The following SAXO1 variants were observed in gnomAD, a reference collection of about 807,000 sequenced individuals.
SAXO1 encodes 4930500O09Rik.
In SAXO1, 21 loss-of-function variants were observed where a neutral mutation model predicts 17.5. The ratio of observed to expected loss-of-function variants is 1.20; its 90% CI spans 0.85 to 1.72. The LOEUF is 1.72. Ranked by LOEUF, SAXO1 falls within the 40% of genes most tolerant of loss-of-function variation. SAXO1 has a pLI of 0.00. For synonymous variants in SAXO1, 274 were observed against 216.5 expected (o/e 1.27, Z -2.33); for missense variants, 843 against 596.0 (o/e 1.41, Z -4.32).
intron 1 of SAXO1, among the ~76,000 whole-genome samples, chr9:18,989,698 A>G (rs10511667): frequency 0.1 from 15,185 of 152,190 alleles, 890 homozygotes; most frequent in Admixed American, 0.13. Context: ...CATCAAATTC[A>G]CTTCAGACCA....
intron 1 of SAXO1, among the ~76,000 whole-genome samples, chr9:19,042,942 C>T (rs147028800): frequency 3.3e-5 from 5 of 152,188 alleles, no homozygotes; most frequent in East Asian, 1.9e-4. Flanking sequence ...GAGGCCAAGG[C>T]GGGAGGATCA....
intron 1 of SAXO1, among the ~76,000 whole-genome samples, chr9:18,981,709 A>C (rs937266286): frequency 4.6e-5 from 7 of 152,114 alleles, no homozygotes; most frequent in African/African-American, 1.7e-4. Context: ...AAATGCTCTC[A>C]CTTTGCATCC....
In SAXO1 at chr9:18,955,142, G is replaced by A. The variant is rs570384210; in HGVS notation, c.39-4205C>T. Among the ~76,000 whole-genome samples the A allele has an allele frequency of 7.2e-5, 11 of 152,276 alleles. 1 individual carries two copies. The South Asian group carries it at 2.3e-3, about 32-fold the overall frequency. ...GTCCAGGAGTTCAAGGCTGTAGTGT[G>A]CTATGATCTTGTCTGGGAATAGCCA... is the stretch of plus-strand genomic sequence containing the variant. On this transcript the variant is annotated intron_variant, in intron 1 of 3. Coordinates refer to ENST00000380534, the MANE Select transcript of SAXO1 (RefSeq NM_153707.4).
At chr9:18,993,298 G>A (rs1833882259) in intron 1 of SAXO1, among the ~76,000 whole-genome samples, 1 of 144,510 alleles carries the variant, frequency 6.9e-6, no homozygotes, top group East Asian at 2.0e-4. Context: ...AGGCCCCGAT[G>A]TGTGTTGTTA....
intron 1 of SAXO1, among the ~76,000 whole-genome samples, chr9:18,979,940 A>G (rs1458673515): frequency 6.6e-6 from 1 of 152,218 alleles, no homozygotes; most frequent in Non-Finnish European, 1.5e-5. Context: ...GAGAAAATAA[A>G]GAGTTAAGAG....
intron 1 of SAXO1, among the ~76,000 whole-genome samples, chr9:19,009,043 C>T (rs10811094): frequency 0.36 from 55,137 of 151,994 alleles, 10,895 homozygotes; most frequent in Non-Finnish European, 0.44. Flanking sequence ...ATGTCTAGTT[C>T]GCTTTCAAAT....
chr9:18,943,283 T>A (rs1343956532), intron 2 of SAXO1, among the ~76,000 whole-genome samples: 1 of 152,188 alleles, frequency 6.6e-6, no homozygotes, highest in Non-Finnish European at 1.5e-5. Flanking sequence ...TAGCGGCAGT[T>A]ATAGGACATT....
chr9:18,929,232 G>C (rs1026312892), intron 3 of SAXO1, among the ~76,000 whole-genome samples, 177 bp from the exon 4 acceptor site: 4 of 152,154 alleles, frequency 2.6e-5, no homozygotes, highest in African/African-American at 9.7e-5. Context: ...CAACTTTATG[G>C]TACTTGCAGG....
chr9:18,958,331 G>T (rs1321108997), intron 1 of SAXO1, among the ~76,000 whole-genome samples: 1 of 152,128 alleles, frequency 6.6e-6, no homozygotes, highest in Non-Finnish European at 1.5e-5. Context: ...GGCTGAGGCA[G>T]GACAATCATT....
intron 2 of SAXO1, among the ~76,000 whole-genome samples, chr9:18,942,244 C>T (rs1028454724): frequency 6.6e-6 from 1 of 152,210 alleles, no homozygotes; most frequent in East Asian, 1.9e-4. Flanking sequence ...AAATGGAAAT[C>T]AGATGGCTTT....
chr9:18,997,988 G>C (rs554305689), intron 1 of SAXO1, among the ~76,000 whole-genome samples: 1 of 152,162 alleles, frequency 6.6e-6, no homozygotes. Flanking sequence ...ACCAAAGGTA[G>C]ATAAAACCTC....
At chr9:18,987,934 C>A (rs1164590108) in intron 1 of SAXO1, among the ~76,000 whole-genome samples, 4 of 128,598 alleles carry the variant, frequency 3.1e-5, no homozygotes, top group African/African-American at 1.0e-4. Flanking sequence ...AGAAAACCAG[C>A]TCTTCCTCTC....
intron 3 of SAXO1, among the ~76,000 whole-genome samples, chr9:18,939,167 C>T (rs75506477): frequency 5.3e-5 from 8 of 152,172 alleles, no homozygotes; most frequent in Admixed American, 1.3e-4. Flanking sequence ...CTCCACCCAT[C>T]GTGGAAAGCG....
intron 1 of SAXO1, among the ~76,000 whole-genome samples, chr9:19,019,039 G>A (rs1405151966): frequency 6.6e-6 from 1 of 151,962 alleles, no homozygotes; most frequent in African/African-American, 2.4e-5. Context: ...AATTTGGAAG[G>A]TGGAGGTTGC....
At chr9:18,967,802 A>C (rs1832784460) in intron 1 of SAXO1, among the ~76,000 whole-genome samples, 1 of 151,558 alleles carries the variant, frequency 6.6e-6, no homozygotes, top group Admixed American at 6.6e-5. Context: ...TGAAAAAAAA[A>C]ACTCCTGCAG....
intron 1 of SAXO1, among the ~76,000 whole-genome samples, chr9:18,979,026 G>A (rs1833263713): frequency 6.6e-6 from 1 of 152,146 alleles, no homozygotes; most frequent in East Asian, 1.9e-4. Context: ...TCAAATTTTT[G>A]CTTTTACTCT....
chr9:19,019,810 A>G (rs1835148561), intron 1 of SAXO1, among the ~76,000 whole-genome samples: 1 of 152,024 alleles, frequency 6.6e-6, no homozygotes, highest in South Asian at 2.1e-4. Context: ...ATTAGTATTG[A>G]CCCCAAATCC....
intron 1 of SAXO1, among the ~76,000 whole-genome samples, chr9:18,964,457 A>T (rs4977481): frequency 6.6e-6 from 1 of 152,032 alleles, no homozygotes; most frequent in Non-Finnish European, 1.5e-5. Context: ...AGAACTTGTT[A>T]TTGGTCTATT....
chr9:18,945,889 C>T (rs1378366476), intron 2 of SAXO1, among the ~76,000 whole-genome samples: 1 of 152,174 alleles, frequency 6.6e-6, no homozygotes, highest in Non-Finnish European at 1.5e-5. Flanking sequence ...ATTTAAGATT[C>T]AAAGCTTCCA....
Sources: allele counts gnomAD v4.1 joint callset (sites outside exome capture counted in the v4.1 genomes callset), GRCh38; gene constraint gnomAD v4.1.1; transcripts MANE v1.5; gene names NCBI Gene and HGNC (gene_info 2026-07-23, HGNC 2026-07-21).